Variants in ADK observed in about 807,000 individuals in gnomAD.
ADK encodes the protein adenosine kinase.
A neutral mutation model predicts 44.7 loss-of-function variants in ADK; 24 were observed. The ratio of observed to expected loss-of-function variants is 0.54; its 90% CI spans 0.39 to 0.76. The LOEUF is 0.76. Ranked by LOEUF, ADK falls within the 30% of genes least tolerant of loss-of-function variation. The pLI is 0.00. For missense variants in ADK, 321 were observed against 425.1 expected, an observed-to-expected ratio of 0.76 and a Z score of 2.15; for synonymous variants, 128 against 142.6, an observed-to-expected ratio of 0.90 and a Z score of 0.73.
rs147845319 is a variant in ADK, at chr10:74,456,169, C to T, written c.555+57590C>T. On this transcript the variant is annotated intron_variant, in intron 6 of 10. Transcript: ENST00000539909. Reference sequence around the variant, plus strand: ...AACAAGGATATTCAGGACTTGAACTCAGCTCTGGACCAAGCAGATCTAATA... The same window carrying T: ...AACAAGGATATTCAGGACTTGAACTTAGCTCTGGACCAAGCAGATCTAATA... Among the ~76,000 whole-genome samples, 863 of 152,150 alleles carry T rather than the reference C, an allele frequency of 5.7e-3. 12 individuals are homozygous for T. Among genetic ancestry groups the T allele is most frequent in the African/African-American group, 0.02 (809 of 41,486 alleles).
intron 3 of ADK, among the ~76,000 whole-genome samples, chr10:74,267,035 A>G (rs545527616): frequency 6.6e-6 from 1 of 152,302 alleles, no homozygotes; most frequent in Non-Finnish European, 1.5e-5. Flanking sequence ...TTCCTTGTCA[A>G]TATTCCCTAA....
intron 9 of ADK, among the ~76,000 whole-genome samples, chr10:74,633,447 C>G (rs1229795407): frequency 1.3e-5 from 2 of 152,098 alleles, no homozygotes; most frequent in Non-Finnish European, 2.9e-5. Flanking sequence ...TAATTGGAAA[C>G]AACCCCAAAG....
chr10:74,642,801 T>C (rs946990442), intron 9 of ADK, among the ~76,000 whole-genome samples: 1 of 151,170 alleles, frequency 6.6e-6, no homozygotes, highest in Non-Finnish European at 1.5e-5. Flanking sequence ...CTGATCACTC[T>C]CTGAATTCTT....
chr10:74,228,301 C>A (rs1440289840), intron 3 of ADK, among the ~76,000 whole-genome samples: 1 of 152,060 alleles, frequency 6.6e-6, no homozygotes, highest in African/African-American at 2.4e-5. Flanking sequence ...TACTGAAGAC[C>A]TTGGGGGATG....
chr10:74,465,297 A>G (rs1413308183), intron 6 of ADK, among the ~76,000 whole-genome samples: 1 of 152,202 alleles, frequency 6.6e-6, no homozygotes, highest in East Asian at 1.9e-4. Flanking sequence ...TAGCCAGGAG[A>G]TTAATATGGC....
chr10:74,342,065 C>G (rs564322533), intron 4 of ADK, among the ~76,000 whole-genome samples: 1 of 152,210 alleles, frequency 6.6e-6, no homozygotes, highest in South Asian at 2.1e-4. Flanking sequence ...TTTATCACCT[C>G]AAAAAGAGCC....
chr10:74,696,373 T>G (rs751457272), intron 10 of ADK, among the ~76,000 whole-genome samples: 5 of 151,758 alleles, frequency 3.3e-5, no homozygotes, highest in South Asian at 2.1e-4. Context: ...TGTTTTTGTT[T>G]TTGTTTTTTT....
chr10:74,657,184 G>C (rs1013211688), intron 9 of ADK, among the ~76,000 whole-genome samples: 2 of 152,170 alleles, frequency 1.3e-5, no homozygotes, highest in African/African-American at 4.8e-5. Flanking sequence ...GCCACTGCAC[G>C]TGGTCAGCCT....
At chr10:74,291,045 A>G (rs1450561429) in intron 3 of ADK, among the ~76,000 whole-genome samples, 1 of 152,206 alleles carries the variant, frequency 6.6e-6, no homozygotes. Flanking sequence ...GTTTTGTAAT[A>G]TATTTTATTG....
At chr10:74,417,406 A>G (rs763760557) in intron 6 of ADK, among the ~76,000 whole-genome samples, 9 of 152,124 alleles carry the variant, frequency 5.9e-5, no homozygotes, top group Non-Finnish European at 1.0e-4. Context: ...TGATGTTTTA[A>G]GGTACACTGT....
intron 3 of ADK, among the ~76,000 whole-genome samples, chr10:74,229,852 T>C (rs11000934): frequency 0.74 from 111,673 of 151,802 alleles, 41,753 homozygotes; most frequent in Middle Eastern, 0.85. Flanking sequence ...GCCTGGACAA[T>C]ATAGTGAGAC....
intron 10 of ADK, among the ~76,000 whole-genome samples, chr10:74,695,339 T>G (rs905874568): frequency 2.3e-4 from 35 of 152,316 alleles, no homozygotes; most frequent in African/African-American, 7.9e-4. Flanking sequence ...CCAGCATATC[T>G]CTCCATTTAG....
At chr10:74,427,766 T>G (rs1246461686) in intron 6 of ADK, among the ~76,000 whole-genome samples, 3 of 151,614 alleles carry the variant, frequency 2.0e-5, no homozygotes. Context: ...TGAAGAGACA[T>G]TCATATATTT....
In ADK at chr10:74,503,077, C is replaced by G. The variant is rs575818181; in HGVS notation, c.556-22179C>G. Among the ~76,000 whole-genome samples, 3 of 151,980 alleles carry G rather than the reference C, an allele frequency of 2.0e-5. 1 individual carries two copies. The highest frequency in any genetic ancestry group is 4.2e-4 in the South Asian group (2 of 4,814). On this transcript the variant is annotated intron_variant, in intron 6 of 10. Coordinates refer to ENST00000539909, the MANE Select transcript of ADK (RefSeq NM_006721.4). Reference sequence around the variant, plus strand: ...TACTTAGTATGTATTTTCTTCTTTCCTTTTAGTTCAGAGGTCAACAAAGTA... The same window carrying G: ...TACTTAGTATGTATTTTCTTCTTTCGTTTTAGTTCAGAGGTCAACAAAGTA...
intron 6 of ADK, among the ~76,000 whole-genome samples, chr10:74,476,879 T>G (rs1370762762): frequency 6.6e-6 from 1 of 152,222 alleles, no homozygotes; most frequent in African/African-American, 2.4e-5. Flanking sequence ...GTCACATACA[T>G]GAAATTATAA....
At chr10:74,525,135 G>T in intron 6 of ADK, 121 bp from the exon 7 acceptor site, 1 of 965,686 alleles carries the variant, frequency 1.0e-6, no homozygotes, top group South Asian at 1.5e-5. Flanking sequence ...GCTATTTTCT[G>T]CCTTGCATCT....
intron 6 of ADK, among the ~76,000 whole-genome samples, chr10:74,459,169 A>C (rs551476049): frequency 4.2e-4 from 63 of 151,784 alleles, no homozygotes; most frequent in Non-Finnish European, 7.4e-4. Context: ...AATCCTAGCT[A>C]CTTGGGAGGC....
At chr10:74,264,075 A>C (rs190747808) in intron 3 of ADK, among the ~76,000 whole-genome samples, 1 of 152,336 alleles carries the variant, frequency 6.6e-6, no homozygotes, top group African/African-American at 2.4e-5. Context: ...GCAACATTTA[A>C]AGTGTTTAAT....
chr10:74,607,426 G>T (rs1444441033), intron 9 of ADK, among the ~76,000 whole-genome samples: 3 of 152,120 alleles, frequency 2.0e-5, no homozygotes, highest in African/African-American at 7.2e-5. Context: ...GGCAGGCCTG[G>T]TGGTGACAAA....
Sources: allele counts gnomAD v4.1 joint callset (sites outside exome capture counted in the v4.1 genomes callset), GRCh38; gene constraint gnomAD v4.1.1; transcripts MANE v1.5; gene names NCBI Gene and HGNC (gene_info 2026-07-23, HGNC 2026-07-21).